DNAL1: variants seen among roughly 807,000 people sequenced by gnomAD.
DNAL1 encodes dynein axonemal light chain 1, also known as chromosome 14 open reading frame 168.
In DNAL1, 17 loss-of-function variants were observed where a neutral mutation model predicts 29.4. The ratio of observed to expected loss-of-function variants is 0.58; its 90% CI spans 0.40 to 0.87. DNAL1 has a LOEUF of 0.87. DNAL1 is among the 40% of genes least tolerant of loss of function. The pLI, the probability that DNAL1 is intolerant of heterozygous loss-of-function variation, is 0.00. For missense variants in DNAL1, 188 were observed against 214.1 expected, an observed-to-expected ratio of 0.88 and a Z score of 0.76; for synonymous variants, 78 against 76.3, an observed-to-expected ratio of 1.02 and a Z score of -0.12.
chr14:73,666,512 T>C (rs1201792224), intron 4 of DNAL1, among the ~76,000 whole-genome samples: 1 of 152,160 alleles, frequency 6.6e-6, no homozygotes, highest in Non-Finnish European at 1.5e-5. Flanking sequence ...AAGAAAACAA[T>C]AGTACTTTTC....
chr14:73,652,524 C>T (rs765885601), intron 1 of DNAL1, among the ~76,000 whole-genome samples: 3 of 152,178 alleles, frequency 2.0e-5, no homozygotes, highest in Non-Finnish European at 4.4e-5. Context: ...AGTCCTCCTA[C>T]TTCAGCCTCC....
At chr14:73,656,923 T>C (rs1290009419) in intron 2 of DNAL1, among the ~76,000 whole-genome samples, 5 of 151,792 alleles carry the variant, frequency 3.3e-5, no homozygotes, top group Non-Finnish European at 7.4e-5. Flanking sequence ...ATTATTATTA[T>C]TTTAATATAT....
In DNAL1 at chr14:73,695,951, T is replaced by C. The variant is rs1254023397; in HGVS notation, c.*9T>C. On this transcript the variant is annotated 3_prime_UTR_variant, in exon 8 of 8. Transcript: ENST00000553645. Reference sequence around the variant, plus strand: ...AGGAAGAAGACAACTAATGCCACGCTTTCCACTGTGTGTTAACTTATTTAA... The same window carrying C: ...AGGAAGAAGACAACTAATGCCACGCCTTCCACTGTGTGTTAACTTATTTAA... 1.3e-6 allele frequency: 2 copies of C among 1,585,968 alleles called. No homozygotes were observed. The highest frequency in any genetic ancestry group is 2.3e-5 in the East Asian group (1 of 44,054).
chr14:73,661,605 C>A (rs1382172267), intron 3 of DNAL1, among the ~76,000 whole-genome samples: 1 of 152,004 alleles, frequency 6.6e-6, no homozygotes, highest in Admixed American at 6.6e-5. Flanking sequence ...ATTAGCCAGG[C>A]ATGGTAGCAG....
intron 7 of DNAL1, among the ~76,000 whole-genome samples, chr14:73,691,081 C>T (rs1203372153): frequency 6.6e-6 from 1 of 152,106 alleles, no homozygotes; most frequent in African/African-American, 2.4e-5. Flanking sequence ...TCTCACCAAA[C>T]CTTGTTCATT....
chr14:73,668,841 T>C (rs1005290912), intron 4 of DNAL1, among the ~76,000 whole-genome samples: 1 of 152,176 alleles, frequency 6.6e-6, no homozygotes, highest in Non-Finnish European at 1.5e-5. Context: ...CATGCCCAGC[T>C]AATTTTTTTA....
intron 5 of DNAL1, among the ~76,000 whole-genome samples, chr14:73,681,157 G>T (rs1022358231): frequency 3.3e-5 from 5 of 149,346 alleles, no homozygotes; most frequent in African/African-American, 1.2e-4. Flanking sequence ...TTTTTGAGAC[G>T]GAGTCTCACT....
At chr14:73,660,291 A>G (rs2140032359) in intron 3 of DNAL1, among the ~76,000 whole-genome samples, 1 of 152,134 alleles carries the variant, frequency 6.6e-6, no homozygotes, top group Admixed American at 6.6e-5. Context: ...AGTTTCTTTT[A>G]ATTTATTTTC....
chr14:73,690,626 T>C (rs1047801744), intron 7 of DNAL1, among the ~76,000 whole-genome samples: 1 of 147,876 alleles, frequency 6.8e-6, no homozygotes, highest in Non-Finnish European at 1.5e-5. Context: ...CACTCCAGCC[T>C]AGGCAACAAG....
At chr14:73,670,166 A>G (rs1443135937) in intron 4 of DNAL1, among the ~76,000 whole-genome samples, 1 of 152,186 alleles carries the variant, frequency 6.6e-6, no homozygotes, top group Non-Finnish European at 1.5e-5. Context: ...GCTTCCCTAG[A>G]GAGTTGGGAT....
intron 7 of DNAL1, among the ~76,000 whole-genome samples, chr14:73,690,648 G>A (rs1039217327): frequency 2.8e-5 from 4 of 145,348 alleles, no homozygotes; most frequent in Middle Eastern, 3.6e-3. Context: ...GCGAAACTCC[G>A]TCTCAAAAAA....
intron 5 of DNAL1, among the ~76,000 whole-genome samples, chr14:73,678,895 ATATT>A (rs745329079): frequency 3.0e-4 from 45 of 152,368 alleles, no homozygotes; most frequent in Admixed American, 6.5e-4. Flanking sequence ...AGCAAAGTGA[ATATT>A]TATATGTACA....
intron 4 of DNAL1, among the ~76,000 whole-genome samples, chr14:73,670,182 C>T (rs753139970): frequency 5.9e-5 from 9 of 152,142 alleles, no homozygotes; most frequent in Non-Finnish European, 8.8e-5. Flanking sequence ...GGGATTGAAA[C>T]TCAGTTAATT....
chr14:73,649,147 A>G lies in DNAL1; in HGVS notation c.3+4105A>G, dbSNP rs931441512. On this transcript the variant is annotated intron_variant, in intron 1 of 7. Transcript: ENST00000553645. The stretch of plus-strand genomic sequence containing the variant: ...CCGCCACCACGCCTGGCTAATTTTC[A>G]TATTTTTAGTAGAGACGGGGGTCTC... Among the ~76,000 whole-genome samples, 24 of 147,930 alleles carry G rather than the reference A, an allele frequency of 1.6e-4. 1 individual carries two copies. The South Asian group carries it at 5.0e-3, about 31-fold the overall frequency.
intron 7 of DNAL1, among the ~76,000 whole-genome samples, chr14:73,692,162 C>A (rs182398411): frequency 6.6e-6 from 1 of 151,820 alleles, no homozygotes; most frequent in Non-Finnish European, 1.5e-5. Flanking sequence ...CAGGGTTGTA[C>A]GTAGAAAGCG....
intron 6 of DNAL1, among the ~76,000 whole-genome samples, chr14:73,687,668 C>G (rs1483914954): frequency 6.6e-6 from 1 of 152,030 alleles, no homozygotes; most frequent in Non-Finnish European, 1.5e-5. Context: ...GTCAGGAGAT[C>G]GAGACCATCC....
intron 5 of DNAL1, among the ~76,000 whole-genome samples, chr14:73,686,163 T>C (rs558762720): frequency 2.6e-5 from 4 of 152,300 alleles, no homozygotes; most frequent in African/African-American, 9.6e-5. Flanking sequence ...TGGTATTTCA[T>C]TGCGCCAGTC....
At chr14:73,645,798 C>T (rs1164252980) in intron 1 of DNAL1, among the ~76,000 whole-genome samples, 1 of 152,160 alleles carries the variant, frequency 6.6e-6, no homozygotes, top group Non-Finnish European at 1.5e-5. Context: ...AGAGATGCTC[C>T]TCAACTCTTA....
intron 5 of DNAL1, among the ~76,000 whole-genome samples, chr14:73,675,294 C>T (rs887849345): frequency 6.6e-6 from 1 of 151,872 alleles, no homozygotes; most frequent in African/African-American, 2.4e-5. Flanking sequence ...CACTCTCTCA[C>T]CCAGGCTGGA....
Sources: gnomAD v4.1 joint callset for allele counts (sites outside exome capture counted in the v4.1 genomes callset) on GRCh38, gnomAD v4.1.1 for gene constraint, MANE v1.5 for transcripts, NCBI Gene and HGNC (gene_info 2026-07-23, HGNC 2026-07-21) for gene names.